The following NAALADL2 variants were observed in gnomAD, a reference collection of about 807,000 sequenced individuals.
NAALADL2 encodes N-acetylated alpha-linked acidic dipeptidase like 2.
NAALADL2 carries 76 observed loss-of-function variants against 87.2 expected under a neutral mutation model. The ratio of observed to expected loss-of-function variants is 0.87; its 90% CI spans 0.72 to 1.05. The LOEUF (loss-of-function observed/expected upper bound fraction) is 1.05, where lower values mean the gene tolerates loss of function less well. Among genes scored for constraint, NAALADL2 ranks in the 50% least tolerant of loss-of-function variants. NAALADL2 has a pLI of 0.00. For missense variants in NAALADL2, 1,089 were observed against 945.8 expected (o/e 1.15, Z -1.99); for synonymous variants, 354 against 331.0 (o/e 1.07, Z -0.75).
chr3:175,456,934 T>G (rs73884410), intron 6 of NAALADL2, among the ~76,000 whole-genome samples: 2,173 of 152,182 alleles, frequency 0.014, 41 homozygotes, highest in African/African-American at 0.048. Flanking sequence ...TCCATACCAA[T>G]TATCTACAGT....
chr3:175,493,565 G>T (rs1728398156), intron 9 of NAALADL2, among the ~76,000 whole-genome samples: 1 of 152,014 alleles, frequency 6.6e-6, no homozygotes, highest in Admixed American at 6.6e-5. Context: ...AATATTTCTT[G>T]TACAAAACTT....
intron 2 of NAALADL2, among the ~76,000 whole-genome samples, chr3:175,145,437 C>T (rs1235205482): frequency 6.6e-6 from 1 of 152,102 alleles, no homozygotes; most frequent in Admixed American, 6.6e-5. Context: ...AGATTGCCTT[C>T]AGAATTAACA....
At chr3:175,474,717 A>G (rs766365249) in intron 9 of NAALADL2, among the ~76,000 whole-genome samples, 44 of 111,636 alleles carry the variant, frequency 3.9e-4, no homozygotes, top group Non-Finnish European at 4.0e-4. Context: ...GTTTGCCACT[A>G]GTGATTCAGG....
At chr3:175,230,203 A>T (rs1744737438) in intron 2 of NAALADL2, among the ~76,000 whole-genome samples, 1 of 152,056 alleles carries the variant, frequency 6.6e-6, no homozygotes, top group African/African-American at 2.4e-5. Flanking sequence ...TGTGAAAAAC[A>T]ACTCCTTAAA....
intron 2 of NAALADL2, among the ~76,000 whole-genome samples, chr3:174,618,617 G>T (rs1720708489): frequency 6.6e-6 from 1 of 151,750 alleles, no homozygotes; most frequent in South Asian, 2.1e-4. Context: ...CAGTGTTACA[G>T]GCTGAGGAAG....
intron 5 of NAALADL2, among the ~76,000 whole-genome samples, chr3:175,435,938 G>A: frequency 1.4e-5 from 2 of 147,760 alleles, no homozygotes; most frequent in Admixed American, 6.8e-5. Context: ...CCATGCTGGT[G>A]CCCTGCACCC....
intron 10 of NAALADL2, among the ~76,000 whole-genome samples, chr3:175,580,240 C>T (rs556137533): frequency 6.6e-6 from 1 of 150,464 alleles, no homozygotes; most frequent in African/African-American, 2.4e-5. Flanking sequence ...AATTATGCCT[C>T]TGTGTGTGTG....
intron 9 of NAALADL2, among the ~76,000 whole-genome samples, chr3:175,483,820 C>T (rs984739653): frequency 2.0e-5 from 3 of 152,060 alleles, no homozygotes; most frequent in Non-Finnish European, 4.4e-5. Flanking sequence ...TTGACGCAAA[C>T]GTAATTGCTG....
intron 1 of NAALADL2, among the ~76,000 whole-genome samples, chr3:174,884,356 T>A (rs1729799782): frequency 6.6e-6 from 1 of 152,128 alleles, no homozygotes; most frequent in Admixed American, 6.5e-5. Context: ...TGTCACCTAG[T>A]TGGGATTGTA....
At chr3:175,217,230 G>T (rs572513040) in intron 2 of NAALADL2, among the ~76,000 whole-genome samples, 1 of 152,130 alleles carries the variant, frequency 6.6e-6, no homozygotes, top group Non-Finnish European at 1.5e-5. Flanking sequence ...CTTACACAGG[G>T]AGGTATAAAT....
chr3:175,228,920 G>A (rs1744548531), intron 2 of NAALADL2, among the ~76,000 whole-genome samples: 1 of 151,840 alleles, frequency 6.6e-6, no homozygotes, highest in Non-Finnish European at 1.5e-5. Context: ...TCACATGATA[G>A]CTAAAATTAT....
intron 11 of NAALADL2, among the ~76,000 whole-genome samples, chr3:175,711,181 A>C: frequency 6.6e-6 from 1 of 151,856 alleles, no homozygotes; most frequent in East Asian, 1.9e-4. Context: ...AAGGCATCTA[A>C]GATTATATAT....
rs565841808 is a variant in NAALADL2 at position 174,445,908 on chromosome 3, AC to A, written c.-184+4877del. ...CCTAATTTTTTGTTTGTTTTACCAA[AC>A]AAAATTTGATTCATTGCTTAATTTG... On this transcript the variant is annotated intron_variant, in intron 1 of 3. Transcript: ENST00000434257. 1.9e-4 allele frequency among the ~76,000 whole-genome samples: 29 copies of A among 152,236 alleles called. No individual in the cohort carries two copies. The South Asian group carries it at 5.6e-3, about 29-fold the overall frequency.
At chr3:174,954,803 C>A (rs1740918192) in intron 1 of NAALADL2, among the ~76,000 whole-genome samples, 1 of 151,968 alleles carries the variant, frequency 6.6e-6, no homozygotes, top group Non-Finnish European at 1.5e-5. Context: ...GTCAGGGGAA[C>A]CTATGCTGGC....
At chr3:175,781,855 TC>T (rs982667692) in intron 13 of NAALADL2, among the ~76,000 whole-genome samples, 3 of 93,340 alleles carry the variant, frequency 3.2e-5, no homozygotes, top group African/African-American at 1.2e-4. Context: ...ATGCTATCCC[TC>T]CCCCCCACCC....
chr3:175,485,472 C>A (rs1727121238), intron 9 of NAALADL2, among the ~76,000 whole-genome samples: 1 of 152,044 alleles, frequency 6.6e-6, no homozygotes. Context: ...CAGTGGGAGT[C>A]CCAAAACCTC....
chr3:175,271,400 T>C (rs991709931), intron 4 of NAALADL2, among the ~76,000 whole-genome samples: 22 of 152,194 alleles, frequency 1.4e-4, no homozygotes, highest in African/African-American at 5.3e-4. Flanking sequence ...AAAAAAAGCC[T>C]GAGAAGAAAG....
intron 9 of NAALADL2, among the ~76,000 whole-genome samples, chr3:175,544,574 A>C (rs1381780200): frequency 6.6e-6 from 1 of 152,052 alleles, no homozygotes. Context: ...GTGCATTATT[A>C]TTTTCTTCCC....
At chr3:175,231,349 A>G (rs1392528044) in intron 2 of NAALADL2, among the ~76,000 whole-genome samples, 2 of 152,066 alleles carry the variant, frequency 1.3e-5, no homozygotes, top group Non-Finnish European at 2.9e-5. Flanking sequence ...TATACGTTGT[A>G]TATTATCTAT....
Sources: allele counts gnomAD v4.1 joint callset (sites outside exome capture counted in the v4.1 genomes callset), GRCh38; gene constraint gnomAD v4.1.1; transcripts MANE v1.5; gene names NCBI Gene and HGNC (gene_info 2026-07-23, HGNC 2026-07-21).